Variants in FRMD5 observed in about 807,000 individuals in gnomAD.
FRMD5 encodes the protein FERM domain containing 5, also known as FERM domain-containing protein 5.
Under a neutral mutation model 69.0 loss-of-function variants are expected in FRMD5, and 20 were observed. The ratio of observed to expected loss-of-function variants is 0.29; its 90% CI spans 0.20 to 0.42. The LOEUF (loss-of-function observed/expected upper bound fraction) is 0.42. FRMD5 is among the 10% of genes least tolerant of loss of function. The probability of loss-of-function intolerance (pLI) is 1.00; values close to 1 mark genes in which losing one functional copy is unlikely to be tolerated. For synonymous variants in FRMD5, 271 were observed against 260.1 expected (o/e 1.04, Z -0.40); for missense variants, 595 against 708.6 (o/e 0.84, Z 1.82).
chr15:44,008,226 G>T (rs149923131), intron 1 of FRMD5, among the ~76,000 whole-genome samples: 1 of 148,912 alleles, frequency 6.7e-6, no homozygotes, highest in East Asian at 2.0e-4. Context: ...AGCCTGTAAG[G>T]CTTTATTTCT....
chr15:43,883,762 G>T lies in FRMD5; in HGVS notation c.1076C>A (p.Pro359Gln). 2 of 1,614,054 alleles carry T rather than the reference G, an allele frequency of 1.2e-6. No homozygotes were observed. The highest frequency in any genetic ancestry group is 8.5e-7 in the Non-Finnish European group (1 of 1,179,936). ...SRSCPSITHG[P>Q]RLSSVPRTRR... is the part of the protein sequence containing the mutation. ...GGTCCTGGGGACGCTGCTCAGCCTTGGGCCATGGGTTATGGAGGGACAGCT... is the reference window on the plus strand; with the variant it reads ...GGTCCTGGGGACGCTGCTCAGCCTTTGGCCATGGGTTATGGAGGGACAGCT... The change falls in exon 13 of 14, where the codon CCA becomes CAA. Residue 359 changes from proline to glutamine, a missense_variant. Coordinates refer to ENST00000417257, the MANE Select transcript of FRMD5 (RefSeq NM_032892.5).
chr15:43,996,954 T>TA (rs778447161), intron 1 of FRMD5, among the ~76,000 whole-genome samples: 2 of 152,054 alleles, frequency 1.3e-5, no homozygotes, highest in African/African-American at 2.4e-5. Context: ...GGGGGGCTTT[T>TA]AAAAAAATGA....
chr15:44,094,005 G>C (rs562093573), intron 1 of FRMD5, among the ~76,000 whole-genome samples: 9 of 152,168 alleles, frequency 5.9e-5, no homozygotes, highest in African/African-American at 2.2e-4. Flanking sequence ...CTTTCTCAAA[G>C]ACCATACCTC....
intron 1 of FRMD5, among the ~76,000 whole-genome samples, chr15:44,013,981 T>C (rs1031661373): frequency 1.3e-5 from 2 of 151,444 alleles, no homozygotes; most frequent in Admixed American, 1.3e-4. Context: ...CTCAGCCTCC[T>C]GAGTAGCTGG....
intron 1 of FRMD5, among the ~76,000 whole-genome samples, chr15:43,999,348 G>A (rs1890077210): frequency 6.6e-6 from 1 of 152,140 alleles, no homozygotes; most frequent in Admixed American, 6.5e-5. Context: ...GATTACAGGT[G>A]TGAGCCACCG....
At chr15:44,087,778 TCATCATCATC>T (rs1894264674) in intron 1 of FRMD5, among the ~76,000 whole-genome samples, 5 of 149,508 alleles carry the variant, frequency 3.3e-5, no homozygotes, top group Non-Finnish European at 5.9e-5. Context: ...ATCATCATCA[TCATCATCATC>T]CCAGGCATTG....
intron 1 of FRMD5, among the ~76,000 whole-genome samples, chr15:44,148,856 T>C (rs1271630356): frequency 6.6e-6 from 1 of 152,222 alleles, no homozygotes; most frequent in Non-Finnish European, 1.5e-5. Flanking sequence ...AAATCCACAA[T>C]ATCTCAAAGG....
At chr15:44,114,352 C>T (rs2076840311) in intron 1 of FRMD5, among the ~76,000 whole-genome samples, 1 of 152,160 alleles carries the variant, frequency 6.6e-6, no homozygotes, top group Admixed American at 6.5e-5. Context: ...AATGAAATCT[C>T]CTTCAAAACT....
rs2088142279 is a variant in FRMD5 at position 43,870,781 on chromosome 15, T to C, written c.*3104A>G. 6.6e-6 allele frequency: 1 copy of C among 152,234 alleles called. No homozygotes were observed. Among genetic ancestry groups the C allele is most frequent in the Non-Finnish European group, 1.5e-5 (1 of 68,040 alleles). 9.4% of individuals were successfully genotyped at this position (152,234 alleles called of 1,614,324 possible). ...CTCTTCCATGATATTTAAATATTTA[T>C]TTAAGTTTAAAAATAATCTTCATGG... is the stretch of plus-strand genomic sequence containing the variant. On this transcript the variant is annotated 3_prime_UTR_variant, in exon 14 of 14. Transcript: ENST00000417257.
At chr15:43,951,025 G>A (rs929281722) in intron 1 of FRMD5, among the ~76,000 whole-genome samples, 6 of 152,140 alleles carry the variant, frequency 3.9e-5, no homozygotes, top group African/African-American at 1.4e-4. Context: ...GATCTACAGA[G>A]GAAATGATCA....
chr15:43,971,020 A>G lies in FRMD5; in HGVS notation c.103-46711T>C, dbSNP rs191768071. On this transcript the variant is annotated intron_variant, in intron 1 of 13. Transcript: ENST00000417257. The stretch of plus-strand genomic sequence containing the variant: ...ATCCCAATGCTTTGGGAGGGCGAGG[A>G]AGGCGAATCACCTGGCCAACATGGT... 8.5e-5 allele frequency among the ~76,000 whole-genome samples: 13 copies of G among 152,130 alleles called. No homozygotes were observed. In the East Asian group the frequency reaches 1.9e-3, roughly 23 times the overall value.
chr15:44,129,863 C>G (rs1002428559), intron 1 of FRMD5, among the ~76,000 whole-genome samples: 4 of 152,106 alleles, frequency 2.6e-5, no homozygotes, highest in Non-Finnish European at 4.4e-5. Flanking sequence ...TAACTAGGAC[C>G]CTTCCCATGA....
intron 1 of FRMD5, among the ~76,000 whole-genome samples, chr15:44,049,381 G>A (rs1892562036): frequency 6.6e-6 from 1 of 152,072 alleles, no homozygotes; most frequent in African/African-American, 2.4e-5. Flanking sequence ...ACCTTAAGCT[G>A]GACAGTGGGC....
intron 13 of FRMD5, among the ~76,000 whole-genome samples, chr15:43,874,827 G>C (rs1367736565): frequency 6.6e-6 from 1 of 152,094 alleles, no homozygotes; most frequent in South Asian, 2.1e-4. Context: ...TTGAACCCGG[G>C]AGGCGGAGGT....
intron 1 of FRMD5, among the ~76,000 whole-genome samples, chr15:44,069,670 G>A (rs563896222): frequency 6.6e-6 from 1 of 152,144 alleles, no homozygotes; most frequent in African/African-American, 2.4e-5. Flanking sequence ...GAGAGGGTGA[G>A]AGGTGTCTAT....
chr15:44,078,621 C>T (rs1893869076), intron 1 of FRMD5, among the ~76,000 whole-genome samples: 2 of 151,856 alleles, frequency 1.3e-5, no homozygotes, highest in Non-Finnish European at 2.9e-5. Context: ...AGAAATAAAA[C>T]ATTATGCTAT....
chr15:44,117,214 C>T (rs929309071), intron 1 of FRMD5, among the ~76,000 whole-genome samples: 4 of 152,150 alleles, frequency 2.6e-5, no homozygotes, highest in African/African-American at 9.7e-5. Flanking sequence ...TGAAAGTTCT[C>T]TTTGGACTAT....
At chr15:44,144,791 C>G (rs973590989) in intron 1 of FRMD5, among the ~76,000 whole-genome samples, 1 of 152,176 alleles carries the variant, frequency 6.6e-6, no homozygotes, top group African/African-American at 2.4e-5. Flanking sequence ...GAAACTGCAA[C>G]GGAGTGAGTC....
chr15:43,890,999 T>A (rs1694728420), intron 8 of FRMD5, among the ~76,000 whole-genome samples: 1 of 152,156 alleles, frequency 6.6e-6, no homozygotes, highest in Admixed American at 6.5e-5. Context: ...TGAGCTCTCC[T>A]GGAGAAGACA....
Sources: gnomAD v4.1 joint callset for allele counts (sites outside exome capture counted in the v4.1 genomes callset) on GRCh38, gnomAD v4.1.1 for gene constraint, MANE v1.5 for transcripts, NCBI Gene and HGNC (gene_info 2026-07-23, HGNC 2026-07-21) for gene names.